FAM167A: variants seen among roughly 807,000 people sequenced by gnomAD.
FAM167A encodes family with sequence similarity 167 member A, also known as protein FAM167A.
Under a neutral mutation model 14.9 loss-of-function variants are expected in FAM167A, and 23 were observed. The ratio of observed to expected loss-of-function variants is 1.55; its 90% CI spans 1.11 to 2.19. The LOEUF (loss-of-function observed/expected upper bound fraction) is 2.19, where lower values mean the gene tolerates loss of function less well. Ranked by LOEUF, FAM167A falls within the 30% of genes most tolerant of loss-of-function variation. The probability of loss-of-function intolerance (pLI) is 0.00; values close to 1 mark genes in which losing one functional copy is unlikely to be tolerated. For missense variants in FAM167A, 401 were observed against 281.5 expected, an observed-to-expected ratio of 1.42 and a Z score of -3.04; for synonymous variants, 174 against 117.7, an observed-to-expected ratio of 1.48 and a Z score of -3.10.
chr8:11,468,521 G>A (rs1479607840), upstream of FAM167A, among the ~76,000 whole-genome samples: 1 of 152,216 alleles, frequency 6.6e-6, no homozygotes, highest in Non-Finnish European at 1.5e-5. Context: ...CTCCGGAAGG[G>A]CATGAACCAT....
chr8:11,425,851 C>G (rs1456079284), intron 2 of FAM167A, among the ~76,000 whole-genome samples: 3 of 152,176 alleles, frequency 2.0e-5, no homozygotes, highest in Admixed American at 6.5e-5. Context: ...AAGTATATTT[C>G]TTTGACATAT....
At chr8:11,430,389 T>C (rs1184625390) in intron 2 of FAM167A, among the ~76,000 whole-genome samples, 1 of 152,158 alleles carries the variant, frequency 6.6e-6, no homozygotes, top group Non-Finnish European at 1.5e-5. Context: ...ACTACAGATG[T>C]TTGTTTTTTT....
chr8:11,461,671 T>C (rs886206215), intron 1 of FAM167A, among the ~76,000 whole-genome samples: 1 of 152,250 alleles, frequency 6.6e-6, no homozygotes, highest in African/African-American at 2.4e-5. Context: ...CAGCTGGCAT[T>C]GGCCTCAGCC....
chr8:11,432,578 G>A (rs1193999345), intron 2 of FAM167A, among the ~76,000 whole-genome samples: 1 of 152,200 alleles, frequency 6.6e-6, no homozygotes, highest in Non-Finnish European at 1.5e-5. Context: ...ACATGCTGGA[G>A]AGGATGTGCA....
chr8:11,440,120 C>G (rs565769533), intron 2 of FAM167A, among the ~76,000 whole-genome samples: 2 of 152,308 alleles, frequency 1.3e-5, no homozygotes, highest in South Asian at 4.1e-4. Context: ...CAGCCTAGAA[C>G]TGCAGCTGCA....
intron 1 of FAM167A, among the ~76,000 whole-genome samples, chr8:11,474,969 G>T (rs1369367731): frequency 2.6e-5 from 4 of 152,134 alleles, no homozygotes; most frequent in Non-Finnish European, 5.9e-5. Context: ...GGTTCAGAGT[G>T]GGTTGCACTC....
chr8:11,432,041 C>G (rs1805640867), intron 2 of FAM167A, among the ~76,000 whole-genome samples: 1 of 151,986 alleles, frequency 6.6e-6, no homozygotes, highest in African/African-American at 2.4e-5. Context: ...GGAAAGGCAG[C>G]ATTTTTGTGG....
upstream of FAM167A, among the ~76,000 whole-genome samples, chr8:11,467,333 T>A (rs1807815020): frequency 6.6e-6 from 1 of 152,234 alleles, no homozygotes; most frequent in African/African-American, 2.4e-5. Flanking sequence ...CTGGCTGTCG[T>A]TAGATTCTAA....
Position 11,444,058 on chromosome 8 carries a change from T to G in FAM167A, c.354A>C (p.Glu118Asp). 1 of 1,613,364 alleles carries G rather than the reference T, an allele frequency of 6.2e-7. No homozygotes were observed. The highest frequency in any genetic ancestry group is 8.5e-7 in the Non-Finnish European group (1 of 1,179,896). The change falls in exon 2 of 3, where the codon GAA becomes GAC. Residue 118 changes from glutamate to aspartate, a missense_variant. Glu to Asp is a conservative substitution (Grantham distance 45, BLOSUM62 2). Transcript: ENST00000284486. ...GKLEGFQSID[E>D]AIAWLRKELT... is the part of the protein sequence containing the mutation. Reference sequence around the variant, plus strand: ...GTTCCTTCCTGAGCCAGGCTATAGCTTCATCGATGCTCTGAAAGCCTTCCA... The same window carrying G: ...GTTCCTTCCTGAGCCAGGCTATAGCGTCATCGATGCTCTGAAAGCCTTCCA...
chr8:11,464,910 C>T (rs1246703555), intron 1 of FAM167A, among the ~76,000 whole-genome samples: 2 of 152,138 alleles, frequency 1.3e-5, no homozygotes, highest in African/African-American at 4.8e-5. Context: ...CAGAGTTCCT[C>T]CTGGAGGGGG....
chr8:11,458,625 C>G (rs150315748), intron 1 of FAM167A, among the ~76,000 whole-genome samples: 1 of 152,204 alleles, frequency 6.6e-6, no homozygotes, highest in Non-Finnish European at 1.5e-5. Flanking sequence ...AAAGACCAAT[C>G]AGAATATTTT....
At chr8:11,428,456 G>A (rs140194331) in intron 2 of FAM167A, among the ~76,000 whole-genome samples, 35 of 152,336 alleles carry the variant, frequency 2.3e-4, no homozygotes, top group East Asian at 1.9e-4. Flanking sequence ...TCAATTCTGC[G>A]TAAGGGTGAA....
upstream of FAM167A, chr8:11,466,808 G>C (rs1487880706): frequency 6.6e-6 from 1 of 152,130 alleles, no homozygotes; most frequent in African/African-American, 2.4e-5. Context: ...GCGTCAGGGC[G>C]GTTGCCTGGC....
In FAM167A at chr8:11,422,376, GTGT is replaced by G. The variant is rs375421650; in HGVS notation, c.*1994_*1996del. The G allele has an allele frequency of 0.12, 10,144 of 85,374 alleles. 375 individuals carry two copies. The highest frequency in any genetic ancestry group is 0.23 in the South Asian group (732 of 3,240). The allele number at this position is 85,374 out of a possible 1,614,324, so 5.3% of individuals were successfully genotyped here. Reference sequence around the variant, plus strand: ...CTGTCGTGTGTGTGTGTGTGGGGGTGTGTGTGTGTGTGTGTGTGTGTGTGTGTG... The same window carrying G: ...CTGTCGTGTGTGTGTGTGTGGGGGTGGTGTGTGTGTGTGTGTGTGTGTGTG... On this transcript the variant is annotated 3_prime_UTR_variant, in exon 3 of 3. Transcript: ENST00000284486.
intron 1 of FAM167A, among the ~76,000 whole-genome samples, chr8:11,450,909 G>A (rs1265635728): frequency 6.6e-6 from 1 of 152,208 alleles, no homozygotes; most frequent in Admixed American, 6.5e-5. Flanking sequence ...CCTGCAGTGG[G>A]ACAAAGACAG....
chr8:11,466,488 C>A (rs2618484), intron 1 of FAM167A, 138 bp downstream of exon 1: 36,021 of 152,346 alleles, frequency 0.24, 5,010 homozygotes, highest in Middle Eastern at 0.35. Flanking sequence ...CCCTCCAGGG[C>A]GCTTTGGGAT....
chr8:11,429,640 C>G (rs1805437623), intron 2 of FAM167A, among the ~76,000 whole-genome samples: 1 of 152,238 alleles, frequency 6.6e-6, no homozygotes, highest in Non-Finnish European at 1.5e-5. Flanking sequence ...CCTATGGCAT[C>G]TGGACCACAC....
intron 1 of FAM167A, among the ~76,000 whole-genome samples, chr8:11,448,376 C>CCTGGTCTA (rs1254500915): frequency 6.6e-6 from 1 of 152,194 alleles, no homozygotes; most frequent in Non-Finnish European, 1.5e-5. Flanking sequence ...CAGCACACTG[C>CCTGGTCTA]CTGGTCTACA....
intron 1 of FAM167A, among the ~76,000 whole-genome samples, chr8:11,447,429 G>A (rs1171801196): frequency 1.3e-5 from 2 of 152,164 alleles, no homozygotes; most frequent in Non-Finnish European, 2.9e-5. Flanking sequence ...GTGAAGGCCT[G>A]CATAGACCAT....
Sources: gnomAD v4.1 joint callset for allele counts (sites outside exome capture counted in the v4.1 genomes callset) on GRCh38, gnomAD v4.1.1 for gene constraint, MANE v1.5 for transcripts, NCBI Gene and HGNC (gene_info 2026-07-23, HGNC 2026-07-21) for gene names.